The following SLC25A25 variants were observed in gnomAD, a reference collection of about 807,000 sequenced individuals.
SLC25A25 encodes solute carrier family 25 member 25.
SLC25A25 carries 32 observed loss-of-function variants against 57.7 expected under a neutral mutation model. The observed-to-expected ratio is 0.55, with a 90% CI of 0.42 to 0.74. The LOEUF is 0.74. SLC25A25 is among the 30% of genes least tolerant of loss of function. The pLI is 0.00. For missense variants in SLC25A25, 556 were observed against 701.3 expected (o/e 0.79, Z 2.34); for synonymous variants, 306 against 291.2 (o/e 1.05, Z -0.52).
intron 1 of SLC25A25, among the ~76,000 whole-genome samples, chr9:128,078,728 T>C (rs1833073749): frequency 6.6e-6 from 1 of 152,184 alleles, no homozygotes; most frequent in Admixed American, 6.5e-5. Flanking sequence ...GGAGATTATC[T>C]CACTAACCAG....
intron 1 of SLC25A25, chr9:128,098,379 C>G: frequency 8.5e-7 from 1 of 1,172,494 alleles, no homozygotes; most frequent in Non-Finnish European, 1.1e-6. Context: ...GCTCTGTGTT[C>G]ATTGGCTGTT....
At chr9:128,083,579 C>T (rs35640773) in intron 1 of SLC25A25, among the ~76,000 whole-genome samples, 109,857 of 148,110 alleles carry the variant, frequency 0.74, 42,523 homozygotes, top group Non-Finnish European at 0.85. Flanking sequence ...GCGCGATCTC[C>T]GCTCACTGCA....
intron 1 of SLC25A25, among the ~76,000 whole-genome samples, chr9:128,097,999 G>A (rs1833614789): frequency 6.6e-6 from 1 of 152,196 alleles, no homozygotes; most frequent in Non-Finnish European, 1.5e-5. Context: ...GGGTGGCTAG[G>A]CACCTGGCTC....
At chr9:128,091,811 C>T in intron 1 of SLC25A25, 1 of 1,543,262 alleles carries the variant, frequency 6.5e-7, no homozygotes. Context: ...AGCGTTGGTA[C>T]TGTGGTCACA....
intron 1 of SLC25A25, among the ~76,000 whole-genome samples, chr9:128,071,810 C>T (rs896780918): frequency 2.0e-5 from 3 of 151,988 alleles, no homozygotes; most frequent in Non-Finnish European, 4.4e-5. Context: ...CTCCTGGGTT[C>T]AAGCAGTTCT....
At chr9:128,104,091 G>A (rs1228990708) in intron 6 of SLC25A25, among the ~76,000 whole-genome samples, 1 of 152,176 alleles carries the variant, frequency 6.6e-6, no homozygotes, top group Non-Finnish European at 1.5e-5. Flanking sequence ...GGTGAAGCTA[G>A]CGAGACTGGG....
rs567869070 is a variant in SLC25A25, at chr9:128,077,516, T to TAAAAAAAAAAAAAAAAAAAAAAA, written c.261+8949_261+8950insAAAAAAAAAAAAAAAAAAAAAAA. On this transcript the variant is annotated intron_variant, in intron 1 of 10. Transcript: ENST00000373069. ...TGGGCGACAGAGCAAGACTCCGTCT[T>TAAAAAAAAAAAAAAAAAAAAAAA]AAAAAAAAAAAAAGCCAGTCGCAAA... Among the ~76,000 whole-genome samples, 61 of 100,186 alleles carry TAAAAAAAAAAAAAAAAAAAAAAA rather than the reference T, an allele frequency of 6.1e-4. 2 individuals are homozygous for TAAAAAAAAAAAAAAAAAAAAAAA. Among genetic ancestry groups the TAAAAAAAAAAAAAAAAAAAAAAA allele is most frequent in the African/African-American group, 1.6e-3 (32 of 20,104 alleles). 65.7% of individuals were successfully genotyped at this position (100,186 alleles called of 152,430 possible). A position where few individuals can be genotyped will look rare whatever the true frequency, so the allele number is the denominator to read the frequency against.
Position 128,108,042 on chromosome 9 carries a change from G to A in SLC25A25, c.*598G>A, listed in dbSNP as rs1047127173. On this transcript the variant is annotated 3_prime_UTR_variant, in exon 11 of 11. Transcript: ENST00000373069. ...AAAGGATCTGGCCTTGTGGTCACTG[G>A]CATCTGAGCCCTGCTGATGGCTGGG... 1.5e-5 allele frequency: 6 copies of A among 398,808 alleles called. No homozygotes were observed. Among genetic ancestry groups the A allele is most frequent in the Non-Finnish European group, 2.7e-5 (6 of 226,210 alleles). 24.7% of individuals were successfully genotyped at this position (398,808 alleles called of 1,614,324 possible). A position where few individuals can be genotyped will look rare whatever the true frequency, so the allele number is the denominator to read the frequency against.
At chr9:128,072,015 A>G (rs1196335484) in intron 1 of SLC25A25, among the ~76,000 whole-genome samples, 1 of 152,232 alleles carries the variant, frequency 6.6e-6, no homozygotes, top group Non-Finnish European at 1.5e-5. Flanking sequence ...ACCAGGCAGT[A>G]TAGACTGTAT....
intron 1 of SLC25A25, among the ~76,000 whole-genome samples, chr9:128,087,347 CG>C (rs1201839137): frequency 6.6e-6 from 1 of 152,016 alleles, no homozygotes; most frequent in Admixed American, 6.6e-5. Context: ...CTGCAACCTC[CG>C]CCTTTTGGGT....
chr9:128,108,416 CAG>C lies in SLC25A25; in HGVS notation c.*975_*976del, dbSNP rs1172346137. On this transcript the variant is annotated 3_prime_UTR_variant, in exon 11 of 11. Coordinates refer to ENST00000373069, the MANE Select transcript of SLC25A25 (RefSeq NM_001330988.2). The stretch of plus-strand genomic sequence containing the variant: ...GGGAGCAGGAGCTTGGCTGACTGCT[CAG>C]AGTCTGTTCTGACGCCCTGGGGGTT... 2 of 396,960 alleles carry C rather than the reference CAG, an allele frequency of 5.0e-6. No individual in the cohort carries two copies. The highest frequency in any genetic ancestry group is 1.4e-4 in the South Asian group (1 of 7,004). 24.6% of individuals were successfully genotyped at this position (396,960 alleles called of 1,614,324 possible). A position where few individuals can be genotyped will look rare whatever the true frequency, so the allele number is the denominator to read the frequency against.
intron 1 of SLC25A25, chr9:128,090,990 C>T (rs1588766210): frequency 6.6e-6 from 1 of 152,212 alleles, no homozygotes; most frequent in African/African-American, 2.4e-5. Context: ...TGTGCCTGGT[C>T]CTAGGGGTAG....
intron 1 of SLC25A25, among the ~76,000 whole-genome samples, chr9:128,074,565 C>T (rs904142558): frequency 1.3e-5 from 2 of 151,300 alleles, no homozygotes; most frequent in East Asian, 2.0e-4. Context: ...AAAAATTAGC[C>T]GGGCGTGGTG....
In SLC25A25 at chr9:128,099,163, G is replaced by C. The variant is rs1189966624; in HGVS notation, c.262-1933G>C. 2 of 1,237,730 alleles carry C rather than the reference G, an allele frequency of 1.6e-6. No homozygotes were observed. The highest frequency in any genetic ancestry group is 2.1e-6 in the Non-Finnish European group (2 of 965,930). 76.7% of individuals were successfully genotyped at this position (1,237,730 alleles called of 1,614,324 possible). A position where few individuals can be genotyped will look rare whatever the true frequency, so the allele number is the denominator to read the frequency against. On this transcript the variant is annotated intron_variant, in intron 1 of 10. Coordinates refer to ENST00000373069, the MANE Select transcript of SLC25A25 (RefSeq NM_001330988.2). This position sits in a 1 kb window ranked among gnomAD's most constrained non-coding sequence, Gnocchi z 6.8. ...CCCGCCTTCTCGACTCTCAGACATC[G>C]CTGTGGAACAGGGCCTGTGTCTGCC...
intron 1 of SLC25A25, among the ~76,000 whole-genome samples, chr9:128,070,286 G>A (rs1387886274): frequency 1.3e-5 from 2 of 151,564 alleles, no homozygotes; most frequent in African/African-American, 4.8e-5. Flanking sequence ...TTTTAAGAGA[G>A]ATGGGGTTTC....
chr9:128,068,809 A>G (rs191848934), intron 1 of SLC25A25, among the ~76,000 whole-genome samples: 8 of 152,300 alleles, frequency 5.3e-5, no homozygotes, highest in South Asian at 2.1e-4. Context: ...TGGGCATCCT[A>G]TGGGCTTTCT....
At chr9:128,090,869 G>A (rs1402351409) in intron 1 of SLC25A25, 2 of 152,224 alleles carry the variant, frequency 1.3e-5, no homozygotes, top group Admixed American at 6.5e-5. Flanking sequence ...CCTCAGCGAG[G>A]AATGACAGTA....
Position 128,101,172 on chromosome 9 carries a change from A to T in SLC25A25, c.338A>T (p.His113Leu). 1.2e-6 allele frequency: 2 copies of T among 1,614,272 alleles called. No homozygotes were observed. Among genetic ancestry groups the T allele is most frequent in the Non-Finnish European group, 1.7e-6 (2 of 1,180,052 alleles). ...GAATTTGTCCATTATCTCCAAGATC[A>T]TGAGAAGAAGCTGAGGCTGGTGTTT... The part of the protein sequence containing the change: ...FEEFVHYLQD[H>L]EKKLRLVFKS... The change falls in exon 2 of 11, where the codon CAT becomes CTT. Residue 113 changes from histidine to leucine, a missense_variant. Transcript: ENST00000373069. This position sits in a 1 kb window ranked among gnomAD's most constrained non-coding sequence, Gnocchi z 4.9.
At chr9:128,106,706 T>A (rs1174545527) in intron 9 of SLC25A25, among the ~76,000 whole-genome samples, 186 bp downstream of exon 9, 1 of 152,142 alleles carries the variant, frequency 6.6e-6, no homozygotes, top group Non-Finnish European at 1.5e-5. Context: ...GCAGCTCCTG[T>A]GAGCCCTGCA....
Sources: gnomAD v4.1 joint callset for allele counts (sites outside exome capture counted in the v4.1 genomes callset) on GRCh38, gnomAD v4.1.1 for gene constraint, Gnocchi (gnomAD v3.1) non-coding constraint, MANE v1.5 for transcripts, NCBI Gene and HGNC (gene_info 2026-07-23, HGNC 2026-07-21) for gene names.